Variants in ACLY observed in about 807,000 individuals in gnomAD.
ACLY encodes ATP-citrate synthase.
A neutral mutation model predicts 133.0 loss-of-function variants in ACLY; 41 were observed. That is an observed-to-expected ratio of 0.31 (90% CI 0.24 to 0.40). The LOEUF (loss-of-function observed/expected upper bound fraction) is 0.40. Ranked by LOEUF, ACLY falls within the 10% of genes least tolerant of loss-of-function variation. The pLI is 1.00. For missense variants in ACLY, 1,046 were observed against 1,453.8 expected (o/e 0.72, Z 4.56); for synonymous variants, 495 against 549.3 (o/e 0.90, Z 1.38).
At chr17:41,928,388 A>G (rs2050267109) in intron 1 of ACLY, among the ~76,000 whole-genome samples, 1 of 152,176 alleles carries the variant, frequency 6.6e-6, no homozygotes, top group South Asian at 2.1e-4. Flanking sequence ...TAATCCATAT[A>G]TATTTACATA....
In ACLY at chr17:41,898,649, G is replaced by A. The variant is rs782668364; in HGVS notation, c.1320C>T (p.Asn440=). 1.9e-5 allele frequency: 31 copies of A among 1,613,598 alleles called. No homozygotes were observed. The highest frequency in any genetic ancestry group is 8.8e-5 in the South Asian group (8 of 91,018). The stretch of plus-strand genomic sequence containing the variant: ...AACCTACCGATGTGCTCCCGCTGGC[G>A]TTGAGGAGGAAGTTTGCAGTGTGGG... ...TAAHTANFLL[N]ASGSTSTPAP... Residue 440 remains asparagine, a synonymous_variant, in exon 12 of 29, where the codon AAC becomes AAT. Transcript: ENST00000352035.
At chr17:41,887,063 G>A (rs2049066471) in intron 17 of ACLY, among the ~76,000 whole-genome samples, 1 of 146,332 alleles carries the variant, frequency 6.8e-6, no homozygotes. Context: ...GGCAGAGGCT[G>A]CAGTGAGCCA....
chr17:41,919,264 T>C (rs1441747571), upstream of ACLY, among the ~76,000 whole-genome samples: 1 of 145,664 alleles, frequency 6.9e-6, no homozygotes, highest in Non-Finnish European at 1.5e-5. Flanking sequence ...GGTTGTGGCC[T>C]GATCGCTTGA....
At chr17:41,888,197 T>A (rs1453133385) in intron 16 of ACLY, among the ~76,000 whole-genome samples, 2 of 152,064 alleles carry the variant, frequency 1.3e-5, no homozygotes, top group African/African-American at 4.8e-5. Flanking sequence ...AGGCCTCTGC[T>A]CGTAATCACT....
intron 1 of ACLY, among the ~76,000 whole-genome samples, chr17:41,929,465 A>G (rs1333534670): frequency 2.6e-5 from 4 of 152,020 alleles, no homozygotes; most frequent in African/African-American, 9.7e-5. Context: ...CTCTATGAAC[A>G]TGTCTCTAAC....
Position 41,887,777 on chromosome 17 carries a change from G to A in ACLY, c.1771-74C>T, listed in dbSNP as rs1453971314. 9 of 1,201,928 alleles carry A rather than the reference G, an allele frequency of 7.5e-6. No homozygotes were observed. The African/African-American group carries it at 1.0e-4, about 14-fold the overall frequency. 74.5% of individuals were successfully genotyped at this position (1,201,928 alleles called of 1,614,324 possible). A position where few individuals can be genotyped will look rare whatever the true frequency, so the allele number is the denominator to read the frequency against. On this transcript the variant is annotated intron_variant, in intron 16 of 28. Transcript: ENST00000352035. ...GGCAACAAGACAGCACCGTTTAAGG[G>A]CCCACCTCCCATTCCACATGTCCTC...
chr17:41,892,261 CAGAGCCCAGTGAT>C lies in ACLY; in HGVS notation c.1770+5_1770+17del. On this transcript the variant is annotated splice_donor_5th_base_variant and intron_variant, in intron 16 of 28. Transcript: ENST00000352035. ...TTCATGGTCCCCACCCCCCACCCTC[CAGAGCCCAGTGAT>C]CTACCTGGGCATAGTTCATGGTCTC... 2.9e-6 allele frequency: 1 copy of C among 350,860 alleles called. No individual in the cohort carries two copies. Among genetic ancestry groups the C allele is most frequent in the South Asian group, 3.7e-5 (1 of 27,060 alleles). The allele number at this position is 350,860 out of a possible 1,614,324, so 21.7% of individuals were successfully genotyped here. A position where few individuals can be genotyped will look rare whatever the true frequency, so the allele number is the denominator to read the frequency against.
At chr17:41,881,904 C>A (rs1413681450) in intron 20 of ACLY, among the ~76,000 whole-genome samples, 1 of 152,194 alleles carries the variant, frequency 6.6e-6, no homozygotes, top group East Asian at 1.9e-4. Flanking sequence ...ACACTTTACA[C>A]AAAATGGATA....
chr17:41,907,484 G>A lies in ACLY; in HGVS notation c.705C>T (p.Asp235=). 1 of 1,613,818 alleles carries A rather than the reference G, an allele frequency of 6.2e-7. No homozygotes were observed. Among genetic ancestry groups the A allele is most frequent in the Non-Finnish European group, 8.5e-7 (1 of 1,179,906 alleles). Residue 235 remains aspartate, a synonymous_variant, in exon 7 of 29, where the codon GAC becomes GAT. Transcript: ENST00000352035. ...ADYICKVKWG[D]IEFPPPFGRE... Reference sequence around the variant, plus strand: ...GCCCGAAGGGGGGAGGGAACTCGATGTCACCCCACTTCACTTTGCAGATGT... The same window carrying A: ...GCCCGAAGGGGGGAGGGAACTCGATATCACCCCACTTCACTTTGCAGATGT...
chr17:41,878,537 C>T (rs2048821403), intron 21 of ACLY, among the ~76,000 whole-genome samples: 1 of 152,224 alleles, frequency 6.6e-6, no homozygotes. Flanking sequence ...GCGCTCTCAT[C>T]TATGGCTGCC....
chr17:41,884,050 C>T, intron 19 of ACLY, 143 bp downstream of exon 19: 1 of 611,228 alleles, frequency 1.6e-6, no homozygotes. Context: ...TAGTGACAAC[C>T]TTGAGGCCCC....
intron 2 of ACLY, among the ~76,000 whole-genome samples, chr17:41,913,263 T>C (rs1218254204): frequency 6.6e-6 from 1 of 152,248 alleles, no homozygotes; most frequent in East Asian, 1.9e-4. Flanking sequence ...ATTGCCTTGA[T>C]ACATTCCTGA....
At chr17:41,909,313 T>G (rs986429085) in intron 5 of ACLY, among the ~76,000 whole-genome samples, 197 bp downstream of exon 5, 1 of 151,578 alleles carries the variant, frequency 6.6e-6, no homozygotes, top group Non-Finnish European at 1.5e-5. Flanking sequence ...GGCAAGGAGG[T>G]GAGGGATGCT....
chr17:41,923,936 G>A (rs1365612552), upstream of ACLY, among the ~76,000 whole-genome samples: 5 of 151,744 alleles, frequency 3.3e-5, no homozygotes, highest in East Asian at 3.9e-4. Context: ...TCAGCCTCCT[G>A]AGTAGCTGGG....
At chr17:41,909,460 T>G in intron 5 of ACLY, 50 bp downstream of exon 5, 1 of 1,585,822 alleles carries the variant, frequency 6.3e-7, no homozygotes, top group South Asian at 1.1e-5. Flanking sequence ...CCAGAGCCTG[T>G]CGGTCTTCTC....
chr17:41,912,385 CCA>C (rs782003472), intron 3 of ACLY, 33 bp downstream of exon 3: 1 of 1,606,820 alleles, frequency 6.2e-7, no homozygotes, highest in East Asian at 2.2e-5. Context: ...GCTTCTGTTA[CCA>C]CACACGTTCA....
chr17:41,869,414 C>T, intron 26 of ACLY, 60 bp downstream of exon 26: 1 of 1,354,550 alleles, frequency 7.4e-7, no homozygotes, highest in Non-Finnish European at 1.1e-6. Flanking sequence ...TAACGTGGCT[C>T]CTGTTTCCTC....
chr17:41,909,889 A>T (rs142322375), intron 4 of ACLY, among the ~76,000 whole-genome samples, 189 bp from the exon 5 acceptor site: 26 of 152,312 alleles, frequency 1.7e-4, no homozygotes, highest in African/African-American at 5.8e-4. Context: ...CGAGGACAAG[A>T]GGAAGAAGCC....
chr17:41,885,808 C>A (rs1450287350), intron 18 of ACLY, among the ~76,000 whole-genome samples: 1 of 152,140 alleles, frequency 6.6e-6, no homozygotes, highest in Non-Finnish European at 1.5e-5. Flanking sequence ...CTCTTTAGTC[C>A]AATTTCAGAA....
Sources: gnomAD v4.1 joint callset for allele counts (sites outside exome capture counted in the v4.1 genomes callset) on GRCh38, gnomAD v4.1.1 for gene constraint, MANE v1.5 for transcripts, NCBI Gene and HGNC (gene_info 2026-07-23, HGNC 2026-07-21) for gene names.